Variants in DCAF1 observed in about 807,000 individuals in gnomAD.
The protein encoded by DCAF1 is DDB1 and CUL4 associated factor 1, also known as DDB1- and CUL4-associated factor 1.
In DCAF1, 15 loss-of-function variants were observed where a neutral mutation model predicts 128.0. The observed-to-expected ratio is 0.12, with a 90% CI of 0.08 to 0.18. DCAF1 has a LOEUF of 0.18. Ranked by LOEUF, DCAF1 falls within the 10% of genes least tolerant of loss-of-function variation. DCAF1 has a pLI of 1.00. For missense variants in DCAF1, 988 were observed against 1,649.5 expected (o/e 0.60, Z 6.95); for synonymous variants, 610 against 603.0 (o/e 1.01, Z -0.17).
chr3:51,419,081 CCAGA>C (rs1161261531), intron 15 of DCAF1, among the ~76,000 whole-genome samples: 54 of 152,126 alleles, frequency 3.5e-4, no homozygotes, highest in African/African-American at 1.3e-3. Context: ...CATGTTTAGG[CCAGA>C]CACAGTGGCT....
intron 6 of DCAF1, 130 bp from the exon 7 acceptor site, chr3:51,444,033 C>T: frequency 1.3e-6 from 1 of 745,538 alleles, no homozygotes. Flanking sequence ...AAAAGTACTA[C>T]TACAGCATCC....
At chr3:51,413,122 C>T (rs1329489875) in intron 21 of DCAF1, 56 bp from the exon 22 acceptor site, 2 of 1,605,380 alleles carry the variant, frequency 1.2e-6, no homozygotes, top group Non-Finnish European at 1.7e-6. Flanking sequence ...ACCCTAAAAC[C>T]TGCTTTTCCT....
intron 16 of DCAF1, 151 bp downstream of exon 16, chr3:51,418,527 T>C (rs957793807): frequency 3.0e-6 from 4 of 1,345,348 alleles, no homozygotes; most frequent in Non-Finnish European, 3.9e-6. Flanking sequence ...TTCCTCAGTC[T>C]CCATCTGAAA....
chr3:51,453,296 A>C (rs1553641905), intron 6 of DCAF1, among the ~76,000 whole-genome samples: 2 of 152,136 alleles, frequency 1.3e-5, no homozygotes, highest in African/African-American at 4.8e-5. Flanking sequence ...GCTAAATAAG[A>C]ATCAAGATCT....
At chr3:51,484,894 G>C (rs1389185964) in intron 2 of DCAF1, among the ~76,000 whole-genome samples, 7 of 148,754 alleles carry the variant, frequency 4.7e-5, no homozygotes, top group Admixed American at 3.4e-4. Context: ...CGCTGGCCAG[G>C]CTAGTCTCAA....
At chr3:51,473,695 T>C (rs1427775430) in intron 3 of DCAF1, among the ~76,000 whole-genome samples, 1 of 151,940 alleles carries the variant, frequency 6.6e-6, no homozygotes, top group East Asian at 1.9e-4. Context: ...AAAAATTTTT[T>C]GTAGTTGGGG....
At chr3:51,403,104 G>C (rs1168596023) in intron 24 of DCAF1, 39 bp downstream of exon 24, 4 of 1,567,838 alleles carry the variant, frequency 2.6e-6, no homozygotes, top group Non-Finnish European at 3.5e-6. Flanking sequence ...ATCTTGCCCT[G>C]GGTGCCAAGG....
downstream of DCAF1, chr3:51,396,633 C>T (rs1352453907): frequency 1.8e-5 from 3 of 167,224 alleles, no homozygotes; most frequent in Non-Finnish European, 2.9e-5. Flanking sequence ...TCCTAAGTGA[C>T]TCCGATTTTC....
At chr3:51,444,965 A>G (rs750827814) in intron 6 of DCAF1, among the ~76,000 whole-genome samples, 19 of 152,240 alleles carry the variant, frequency 1.2e-4, no homozygotes, top group Non-Finnish European at 1.3e-4. Flanking sequence ...ATGAGCCACC[A>G]TGCCCGGCCC....
intron 3 of DCAF1, among the ~76,000 whole-genome samples, chr3:51,480,104 T>TAAA (rs782106577): frequency 5.2e-4 from 48 of 93,182 alleles, no homozygotes; most frequent in African/African-American, 1.8e-3. Context: ...ACCCTGTCAC[T>TAAA]AAAAAAAAAA....
chr3:51,441,654 C>T lies in DCAF1; in HGVS notation c.757G>A (p.Val253Met). Residue 253 changes from valine to methionine, a missense_variant, in exon 8 of 25, where the codon GTG becomes ATG. By Grantham distance (21) the Val-to-Met change is conservative. Transcript: ENST00000684031. ...TCCTCAGGTTTGGTTGTTGAGTTCACTCTGCTACTAGTCTTGTGGCCTGAA... is the reference window on the plus strand; with the variant it reads ...TCCTCAGGTTTGGTTGTTGAGTTCATTCTGCTACTAGTCTTGTGGCCTGAA... Reference protein sequence around the residue: ...LDSGHKTSSRVNSTTKPEDGG... With the variant: ...LDSGHKTSSRMNSTTKPEDGG... 6.2e-7 allele frequency: 1 copy of T among 1,613,966 alleles called. No homozygotes were observed. Among genetic ancestry groups the T allele is most frequent in the Admixed American group, 1.7e-5 (1 of 59,992 alleles).
chr3:51,425,901 A>G (rs1699868582), intron 13 of DCAF1, among the ~76,000 whole-genome samples: 1 of 152,138 alleles, frequency 6.6e-6, no homozygotes, highest in Non-Finnish European at 1.5e-5. Flanking sequence ...AATAAATATA[A>G]TAACCTACTT....
At chr3:51,417,411 C>G (rs1698976664) in intron 17 of DCAF1, among the ~76,000 whole-genome samples, 1 of 151,716 alleles carries the variant, frequency 6.6e-6, no homozygotes, top group African/African-American at 2.4e-5. Flanking sequence ...AGAATGAGAC[C>G]CCGTCTAAAG....
At chr3:51,462,954 A>G (rs1297154412) in intron 6 of DCAF1, among the ~76,000 whole-genome samples, 160 bp downstream of exon 6, 10 of 152,064 alleles carry the variant, frequency 6.6e-5, no homozygotes, top group Admixed American at 6.6e-5. Context: ...TAAAAAATAA[A>G]TAATTTTATT....
chr3:51,407,598 G>A (rs1662069848), intron 23 of DCAF1, among the ~76,000 whole-genome samples: 1 of 152,138 alleles, frequency 6.6e-6, no homozygotes, highest in South Asian at 2.1e-4. Context: ...AAATGTATTG[G>A]CTTGTCAAAA....
chr3:51,397,162 C>G (rs2089254786), downstream of DCAF1: 9 of 167,034 alleles, frequency 5.4e-5, no homozygotes. Context: ...TGGATAATAC[C>G]TATGTAACAA....
chr3:51,448,055 G>A (rs1259056625), intron 6 of DCAF1, among the ~76,000 whole-genome samples: 1 of 152,012 alleles, frequency 6.6e-6, no homozygotes, highest in African/African-American at 2.4e-5. Flanking sequence ...TTGATTATTT[G>A]CAGGAATGTT....
Position 51,427,372 on chromosome 3 carries a change from C to A in DCAF1, c.1847G>T (p.Arg616Met). ...IACNWKTYYA[R>M]NDTVRFALDV... ...ATTTGAAATCTCTCTCTGGTCCCAC[C>A]TTGCATAATAGGTCTTCCAATTGCA... The change falls in exon 13 of 25, where the codon AGG becomes ATG. Residue 616 changes from arginine to methionine, a missense_variant and splice_region_variant. Physicochemically the swap from Arg to Met is moderately conservative, Grantham distance 91 (BLOSUM62 -1). Transcript: ENST00000684031. 1 of 723,616 alleles carries A rather than the reference C, an allele frequency of 1.4e-6. No homozygotes were observed. Among genetic ancestry groups the A allele is most frequent in the Non-Finnish European group, 2.6e-6 (1 of 391,652 alleles). 44.8% of individuals were successfully genotyped at this position (723,616 alleles called of 1,614,324 possible).
intron 6 of DCAF1, among the ~76,000 whole-genome samples, chr3:51,460,999 G>T (rs1703492875): frequency 6.6e-6 from 1 of 152,044 alleles, no homozygotes; most frequent in African/African-American, 2.4e-5. Context: ...ACACAGGCAT[G>T]GGCAAGGACT....
Sources: gnomAD v4.1 joint callset for allele counts (sites outside exome capture counted in the v4.1 genomes callset) on GRCh38, gnomAD v4.1.1 for gene constraint, MANE v1.5 for transcripts, NCBI Gene and HGNC (gene_info 2026-07-23, HGNC 2026-07-21) for gene names.